CDH12: variants seen among roughly 807,000 people sequenced by gnomAD.
The protein encoded by CDH12 is cadherin-12.
Under a neutral mutation model 74.1 loss-of-function variants are expected in CDH12, and 41 were observed. The ratio of observed to expected loss-of-function variants is 0.55; its 90% CI spans 0.43 to 0.72. CDH12 has a LOEUF of 0.72. Among genes scored for constraint, CDH12 ranks in the 30% least tolerant of loss-of-function variants. CDH12 has a pLI of 0.00. For synonymous variants in CDH12, 399 were observed against 355.0 expected (o/e 1.12, Z -1.39); for missense variants, 945 against 977.2 (o/e 0.97, Z 0.44).
intron 3 of CDH12, among the ~76,000 whole-genome samples, chr5:22,277,102 T>C (rs898526531): frequency 6.6e-6 from 1 of 152,200 alleles, no homozygotes; most frequent in Non-Finnish European, 1.5e-5. Flanking sequence ...CCTTAACATT[T>C]TGTGCCGCCT....
At chr5:22,056,766 T>G (rs576854763) in intron 5 of CDH12, among the ~76,000 whole-genome samples, 1 of 152,306 alleles carries the variant, frequency 6.6e-6, no homozygotes, top group African/African-American at 2.4e-5. Flanking sequence ...CACATGTGGA[T>G]TCAGTAATCC....
chr5:22,361,718 G>A (rs1045727418), intron 3 of CDH12, among the ~76,000 whole-genome samples: 1 of 152,094 alleles, frequency 6.6e-6, no homozygotes, highest in Admixed American at 6.6e-5. Flanking sequence ...CATGGTACTG[G>A]TATGAAAACA....
At chr5:22,235,805 G>A (rs1489620597) in intron 3 of CDH12, among the ~76,000 whole-genome samples, 1 of 152,018 alleles carries the variant, frequency 6.6e-6, no homozygotes, top group Non-Finnish European at 1.5e-5. Context: ...TTAACACTAG[G>A]GATATGTTCT....
chr5:21,883,412 C>A, intron 6 of CDH12: 1 of 1,567,198 alleles, frequency 6.4e-7, no homozygotes, highest in Non-Finnish European at 8.8e-7. Context: ...TGGTGATAAT[C>A]GCTGAAGATG....
At chr5:22,158,365 A>G (rs1013810677) in intron 4 of CDH12, among the ~76,000 whole-genome samples, 1 of 152,062 alleles carries the variant, frequency 6.6e-6, no homozygotes, top group African/African-American at 2.4e-5. Context: ...GATAAAATAG[A>G]TAATATTTAC....
At chr5:22,281,043 T>C (rs1204826751) in intron 3 of CDH12, among the ~76,000 whole-genome samples, 1 of 152,170 alleles carries the variant, frequency 6.6e-6, no homozygotes, top group Non-Finnish European at 1.5e-5. Context: ...GTGGGCTTCA[T>C]CCCTGGGATG....
At chr5:22,147,127 C>G (rs904623779) in intron 4 of CDH12, among the ~76,000 whole-genome samples, 1 of 152,144 alleles carries the variant, frequency 6.6e-6, no homozygotes, top group African/African-American at 2.4e-5. Context: ...TATTCTCCAA[C>G]TCTTTGTTAT....
At chr5:22,029,670 G>T (rs528814942) in intron 5 of CDH12, among the ~76,000 whole-genome samples, 21 of 152,336 alleles carry the variant, frequency 1.4e-4, no homozygotes, top group African/African-American at 4.1e-4. Context: ...TGGTGGGACT[G>T]TAAACTAGAT....
At chr5:22,713,395 C>A (rs543166576) in intron 1 of CDH12, among the ~76,000 whole-genome samples, 2 of 151,936 alleles carry the variant, frequency 1.3e-5, no homozygotes, top group East Asian at 3.9e-4. Context: ...CCCACCTTGG[C>A]CTCCGAAACT....
At chr5:22,113,595 C>T (rs115362572) in intron 4 of CDH12, among the ~76,000 whole-genome samples, 5,352 of 152,096 alleles carry the variant, frequency 0.035, 158 homozygotes, top group Non-Finnish European at 0.051. Flanking sequence ...ACGTCTCATG[C>T]CTCCCTAAAA....
chr5:22,271,593 T>C (rs954066155), intron 3 of CDH12, among the ~76,000 whole-genome samples: 8 of 152,194 alleles, frequency 5.3e-5, no homozygotes, highest in Non-Finnish European at 1.0e-4. Flanking sequence ...GGAATCACTA[T>C]CTATGAAACT....
chr5:21,880,200 C>G (rs1488183983), intron 6 of CDH12, among the ~76,000 whole-genome samples: 1 of 152,162 alleles, frequency 6.6e-6, no homozygotes, highest in Non-Finnish European at 1.5e-5. Context: ...TTGTTCATTC[C>G]CTGAATTGTA....
At chr5:21,945,527 A>G (rs1755539642) in intron 6 of CDH12, among the ~76,000 whole-genome samples, 1 of 150,538 alleles carries the variant, frequency 6.6e-6, no homozygotes, top group South Asian at 2.1e-4. Context: ...GCAATTATAT[A>G]TTGTATTCTC....
chr5:21,961,608 T>G (rs1254056322), intron 6 of CDH12, among the ~76,000 whole-genome samples: 1 of 152,138 alleles, frequency 6.6e-6, no homozygotes, highest in Non-Finnish European at 1.5e-5. Flanking sequence ...GAGTGGCCTC[T>G]AATCCAATGT....
At chr5:22,061,396 G>A (rs913301859) in intron 5 of CDH12, among the ~76,000 whole-genome samples, 3 of 152,038 alleles carry the variant, frequency 2.0e-5, no homozygotes, top group Non-Finnish European at 2.9e-5. Context: ...TCTCATATAT[G>A]AGCTACGTTT....
rs568362030 is a variant in CDH12, at chr5:21,751,653, A to T, written c.*84T>A. 0.021 allele frequency: 10,467 copies of T among 488,982 alleles called. 131 individuals carry two copies. The highest frequency in any genetic ancestry group is 0.076 in the African/African-American group (2,762 of 36,176). 30.3% of individuals were successfully genotyped at this position (488,982 alleles called of 1,614,324 possible). A position where few individuals can be genotyped will look rare whatever the true frequency, so the allele number is the denominator to read the frequency against. On this transcript the variant is annotated 3_prime_UTR_variant, in exon 15 of 15. Transcript: ENST00000382254. Reference sequence around the variant, plus strand: ...GTGTTTGTGTGTGTGTGTGTGTGTGAGAGAGATTTCTATTAATATTTGTGT... The same window carrying T: ...GTGTTTGTGTGTGTGTGTGTGTGTGTGAGAGATTTCTATTAATATTTGTGT...
chr5:22,529,897 AG>A (rs1404344834), intron 1 of CDH12, among the ~76,000 whole-genome samples: 1 of 152,190 alleles, frequency 6.6e-6, no homozygotes, highest in East Asian at 1.9e-4. Flanking sequence ...GCAGGCTCAC[AG>A]TCTGCTGTCA....
intron 4 of CDH12, among the ~76,000 whole-genome samples, chr5:22,097,467 C>G (rs1743856071): frequency 6.6e-6 from 1 of 152,170 alleles, no homozygotes; most frequent in South Asian, 2.1e-4. Context: ...TCCCTTGCCT[C>G]CATAAATGTG....
intron 4 of CDH12, among the ~76,000 whole-genome samples, chr5:22,171,176 G>T (rs1169849216): frequency 2.6e-5 from 4 of 151,812 alleles, no homozygotes; most frequent in Admixed American, 1.3e-4. Flanking sequence ...GCCACATGCT[G>T]CAAAAGTCAT....
Sources: gnomAD v4.1 joint callset for allele counts (sites outside exome capture counted in the v4.1 genomes callset) on GRCh38, gnomAD v4.1.1 for gene constraint, MANE v1.5 for transcripts, NCBI Gene and HGNC (gene_info 2026-07-23, HGNC 2026-07-21) for gene names.